The following YPEL2 variants were observed in gnomAD, a reference collection of about 807,000 sequenced individuals.
The protein encoded by YPEL2 is yippee like 2.
Under a neutral mutation model 19.1 loss-of-function variants are expected in YPEL2, and 2 were observed. The ratio of observed to expected loss-of-function variants is 0.10; its 90% CI spans 0.04 to 0.33. The LOEUF (loss-of-function observed/expected upper bound fraction) is 0.33. YPEL2 is among the 10% of genes least tolerant of loss of function. YPEL2 has a pLI of 1.00. For synonymous variants in YPEL2, 52 were observed against 50.0 expected (o/e 1.04, Z -0.17); for missense variants, 66 against 140.7 (o/e 0.47, Z 2.68).
At chr17:59,395,031 T>C (rs1436053450) in intron 4 of YPEL2, among the ~76,000 whole-genome samples, 1 of 152,178 alleles carries the variant, frequency 6.6e-6, no homozygotes, top group Non-Finnish European at 1.5e-5. Context: ...TGAGTCGAGA[T>C]GGCATCAGTA....
chr17:59,380,916 G>A (rs751809354), intron 2 of YPEL2, among the ~76,000 whole-genome samples: 33 of 152,214 alleles, frequency 2.2e-4, no homozygotes, highest in Non-Finnish European at 1.9e-4. Context: ...GCCTTTTGGC[G>A]TAATAGAGAA....
At chr17:59,359,719 A>C (rs2047830997) in intron 2 of YPEL2, among the ~76,000 whole-genome samples, 1 of 152,216 alleles carries the variant, frequency 6.6e-6, no homozygotes, top group Non-Finnish European at 1.5e-5. Flanking sequence ...GAGGAGGGAA[A>C]AATCAGATTG....
intron 3 of YPEL2, among the ~76,000 whole-genome samples, chr17:59,388,631 G>A (rs1282764346): frequency 6.6e-6 from 1 of 152,216 alleles, no homozygotes; most frequent in East Asian, 1.9e-4. Context: ...AGAAGCTGAG[G>A]AGATTCTGAG....
chr17:59,384,071 T>G (rs1237756754), intron 2 of YPEL2, among the ~76,000 whole-genome samples: 2 of 152,222 alleles, frequency 1.3e-5, no homozygotes, highest in African/African-American at 4.8e-5. Flanking sequence ...CATTTTGCAA[T>G]GTTTGAGACT....
chr17:59,350,218 G>T (rs952700574), intron 1 of YPEL2, among the ~76,000 whole-genome samples: 3 of 151,504 alleles, frequency 2.0e-5, no homozygotes, highest in African/African-American at 7.3e-5. Context: ...TCACAGGCGC[G>T]TGCCACCATG....
chr17:59,393,178 G>T (rs1239900369), intron 4 of YPEL2, among the ~76,000 whole-genome samples: 2 of 152,116 alleles, frequency 1.3e-5, no homozygotes, highest in African/African-American at 4.8e-5. Flanking sequence ...CCCCTGGCTG[G>T]ACTGCAGTGG....
At chr17:59,364,509 A>G (rs748536537) in intron 2 of YPEL2, among the ~76,000 whole-genome samples, 5 of 151,870 alleles carry the variant, frequency 3.3e-5, no homozygotes, top group Admixed American at 6.6e-5. Context: ...GTAGCATAAG[A>G]TGATATGAGG....
chr17:59,385,772 A>G (rs1209227471), intron 2 of YPEL2, among the ~76,000 whole-genome samples: 4 of 152,216 alleles, frequency 2.6e-5, no homozygotes, highest in Non-Finnish European at 5.9e-5. Context: ...ATCCAATAGT[A>G]CACTTCAAAT....
At chr17:59,349,658 T>C (rs1300071159) in intron 1 of YPEL2, among the ~76,000 whole-genome samples, 1 of 147,928 alleles carries the variant, frequency 6.8e-6, no homozygotes, top group African/African-American at 2.6e-5. Flanking sequence ...GGCTGGCCTT[T>C]TGTTTTGTTT....
At chr17:59,362,646 A>G (rs761931838) in intron 2 of YPEL2, 3 of 152,198 alleles carry the variant, frequency 2.0e-5, no homozygotes, top group Admixed American at 6.5e-5. Flanking sequence ...GGTTCCAATC[A>G]TAAGACTGGT....
At chr17:59,339,029 C>T (rs1413859023) in intron 1 of YPEL2, among the ~76,000 whole-genome samples, 1 of 152,106 alleles carries the variant, frequency 6.6e-6, no homozygotes, top group African/African-American at 2.4e-5. Flanking sequence ...TGGCTTTTGG[C>T]CCCCTTGCCC....
intron 1 of YPEL2, among the ~76,000 whole-genome samples, chr17:59,335,746 AC>A (rs1411601799): frequency 6.6e-6 from 1 of 151,956 alleles, no homozygotes. Context: ...ACGGGGTTTC[AC>A]CATATTGTCC....
intron 2 of YPEL2, among the ~76,000 whole-genome samples, chr17:59,360,366 A>G (rs772736057): frequency 5.3e-5 from 8 of 152,202 alleles, no homozygotes; most frequent in Non-Finnish European, 1.0e-4. Context: ...GACGTGAGCC[A>G]CTGCGCCCGG....
chr17:59,373,329 G>A (rs932041735), intron 2 of YPEL2, among the ~76,000 whole-genome samples: 4 of 152,300 alleles, frequency 2.6e-5, no homozygotes, highest in East Asian at 3.9e-4. Context: ...GATAGGTGGA[G>A]TAGGTTGCCG....
chr17:59,349,901 C>T (rs1005675048), intron 1 of YPEL2, among the ~76,000 whole-genome samples: 2 of 151,842 alleles, frequency 1.3e-5, no homozygotes, highest in Non-Finnish European at 2.9e-5. Flanking sequence ...CCTCGTGATC[C>T]GCCCGCCTCA....
At chr17:59,394,542 A>G (rs1167830888) in intron 4 of YPEL2, among the ~76,000 whole-genome samples, 1 of 151,028 alleles carries the variant, frequency 6.6e-6, no homozygotes, top group Non-Finnish European at 1.5e-5. Context: ...GCGGCCGGGC[A>G]GAGACGCTCC....
At chr17:59,388,649 A>T (rs942976855) in intron 3 of YPEL2, among the ~76,000 whole-genome samples, 41 of 152,320 alleles carry the variant, frequency 2.7e-4, no homozygotes, top group African/African-American at 9.9e-4. Flanking sequence ...GAGAGCCTCA[A>T]CCTGAAGGGC....
intron 1 of YPEL2, among the ~76,000 whole-genome samples, chr17:59,352,843 C>T (rs537270047): frequency 1.3e-5 from 2 of 152,262 alleles, no homozygotes; most frequent in East Asian, 3.9e-4. Flanking sequence ...TCTCCTTTAA[C>T]CACTCACCTT....
chr17:59,384,537 T>TTTG (rs2047970836), intron 2 of YPEL2, among the ~76,000 whole-genome samples: 2 of 152,222 alleles, frequency 1.3e-5, no homozygotes, highest in Non-Finnish European at 2.9e-5. Context: ...TTGTCACCTC[T>TTTG]AACCCCCACA....
Sources: allele counts gnomAD v4.1 joint callset (sites outside exome capture counted in the v4.1 genomes callset), GRCh38; gene constraint gnomAD v4.1.1; transcripts MANE v1.5; gene names NCBI Gene and HGNC (gene_info 2026-07-23, HGNC 2026-07-21).